Variants in PCDHGA12 observed in about 807,000 individuals in gnomAD.
PCDHGA12 encodes protocadherin gamma subfamily A, 12, also known as protocadherin gamma-A12.
Under a neutral mutation model 61.1 loss-of-function variants are expected in PCDHGA12, and 43 were observed. The ratio of observed to expected loss-of-function variants is 0.70; its 90% confidence interval spans 0.55 to 0.91. The LOEUF (loss-of-function observed/expected upper bound fraction) is 0.91, where lower values mean the gene tolerates loss of function less well. Among genes scored for constraint, PCDHGA12 ranks in the 40% least tolerant of loss-of-function variants. The pLI is 0.00. For synonymous variants in PCDHGA12, 520 were observed against 542.9 expected (o/e 0.96, Z 0.59); for missense variants, 1,236 against 1,227.7 (o/e 1.01, Z -0.10).
At chr5:141,483,291 A>T (rs767446911) in intron 1 of PCDHGA12, among the ~76,000 whole-genome samples, 4 of 152,126 alleles carry the variant, frequency 2.6e-5, no homozygotes, top group African/African-American at 4.8e-5. Flanking sequence ...TGTCAGTCAT[A>T]AGTGAAGGGA....
intron 1 of PCDHGA12, among the ~76,000 whole-genome samples, chr5:141,461,805 C>T (rs773854105): frequency 4.6e-5 from 7 of 151,854 alleles, no homozygotes; most frequent in Non-Finnish European, 8.8e-5. Flanking sequence ...AGGTGCCCAC[C>T]ACCACACCCA....
chr5:141,458,549 T>A (rs2098948402), intron 1 of PCDHGA12, among the ~76,000 whole-genome samples: 1 of 148,072 alleles, frequency 6.8e-6, no homozygotes, highest in African/African-American at 2.6e-5. Flanking sequence ...ATTTTGTTTG[T>A]TTGTTTTGGT....
At chr5:141,502,621 A>G (rs918589202) in intron 2 of PCDHGA12, among the ~76,000 whole-genome samples, 3 of 152,162 alleles carry the variant, frequency 2.0e-5, no homozygotes, top group African/African-American at 7.2e-5. Context: ...AAATATAAGT[A>G]ATCTGTGGAT....
intron 1 of PCDHGA12, among the ~76,000 whole-genome samples, chr5:141,459,386 T>C (rs1283863283): frequency 6.6e-6 from 1 of 152,260 alleles, no homozygotes; most frequent in African/African-American, 2.4e-5. Context: ...GTGTTCCATT[T>C]GATTGTTGAG....
At chr5:141,441,793 C>T (rs961624726) in intron 1 of PCDHGA12, 7 of 391,390 alleles carry the variant, frequency 1.8e-5, no homozygotes, top group Non-Finnish European at 3.6e-5. Flanking sequence ...AATGACAACG[C>T]ACCGCGGGTG....
chr5:141,469,753 T>C (rs564585597), intron 1 of PCDHGA12, among the ~76,000 whole-genome samples: 1 of 152,322 alleles, frequency 6.6e-6, no homozygotes, highest in East Asian at 1.9e-4. Flanking sequence ...ATTACAAAAA[T>C]ACATATATAC....
rs2099730037 is a variant in PCDHGA12 at position 141,491,783 on chromosome 5, A to G, written c.2425-3024A>G. The G allele has an allele frequency of 1.3e-6, 2 of 1,539,618 alleles. No homozygotes were observed. The highest frequency in any genetic ancestry group is 2.2e-5 in the Admixed American group (1 of 46,412). On this transcript the variant is annotated intron_variant, in intron 1 of 3. Transcript: ENST00000252085. The surrounding 1 kb of genome is among the most constrained non-coding windows in gnomAD (Gnocchi z 6.9). ...CGTCCTCATAAGGGATTGAACTTGC[A>G]TCCACTCCTCTCCGGCCGGCTTGGT...
chr5:141,487,380 G>A lies in PCDHGA12; in HGVS notation c.2425-7427G>A. On this transcript the variant is annotated intron_variant, in intron 1 of 3. Transcript: ENST00000252085. This position sits in a 1 kb window ranked among gnomAD's most constrained non-coding sequence, Gnocchi z 5.0. ...GCTGGCACCTGTGCCTGTCTCACCA[G>A]ATCTCGAAGGAGGGAGGGGCTTCCC... is the stretch of plus-strand genomic sequence containing the variant. The A allele has an allele frequency of 1.2e-6, 2 of 1,614,202 alleles. No individual in the cohort carries two copies. The highest frequency in any genetic ancestry group is 2.2e-5 in the South Asian group (2 of 91,078).
intron 1 of PCDHGA12, chr5:141,475,848 C>T (rs1562050268): frequency 4.4e-6 from 2 of 451,496 alleles, no homozygotes; most frequent in Non-Finnish European, 7.9e-6. Context: ...TCAGAGAGCC[C>T]GGCGCTAGCT....
intron 2 of PCDHGA12, among the ~76,000 whole-genome samples, chr5:141,499,301 TC>T (rs771049830): frequency 6.6e-6 from 1 of 152,166 alleles, no homozygotes; most frequent in Non-Finnish European, 1.5e-5. Context: ...CTACCATCCC[TC>T]CTCTGAGAGA....
At position 141,486,028 on chromosome 5, in the gene PCDHGA12, C is replaced by T; in HGVS notation, c.2425-8779C>T. On this transcript the variant is annotated intron_variant, in intron 1 of 3. Transcript: ENST00000252085. This position sits in a 1 kb window ranked among gnomAD's most constrained non-coding sequence, Gnocchi z 5.0. ...TCACCTTTTATTTCAGTGGTCATAC[C>T]CCTGATCGTGTAAGAAACCTCTTTA... The T allele has an allele frequency of 6.2e-7, 1 of 1,614,134 alleles. No individual in the cohort carries two copies. Among genetic ancestry groups the T allele is most frequent in the Non-Finnish European group, 8.5e-7 (1 of 1,180,020 alleles).
chr5:141,509,830 T>A (rs1328716142), intron 3 of PCDHGA12, among the ~76,000 whole-genome samples: 1 of 152,204 alleles, frequency 6.6e-6, no homozygotes, highest in African/African-American at 2.4e-5. Flanking sequence ...ATCTTCTCTC[T>A]ACCTCCCATT....
intron 3 of PCDHGA12, among the ~76,000 whole-genome samples, chr5:141,505,698 G>A (rs1041309644): frequency 2.0e-5 from 3 of 152,280 alleles, no homozygotes; most frequent in Admixed American, 6.5e-5. Context: ...GGAGGAGAGC[G>A]AACAAGGAAA....
intron 1 of PCDHGA12, among the ~76,000 whole-genome samples, chr5:141,438,593 T>C (rs982159150): frequency 4.1e-5 from 3 of 73,984 alleles, no homozygotes; most frequent in Non-Finnish European, 5.5e-5. Flanking sequence ...CATACATACA[T>C]ATATATATAT....
Position 141,477,020 on chromosome 5 carries a change from G to C in PCDHGA12, c.2425-17787G>C, listed in dbSNP as rs1383192345. The C allele has an allele frequency of 6.2e-7, 1 of 1,614,224 alleles. No homozygotes were observed. The highest frequency in any genetic ancestry group is 8.5e-7 in the Non-Finnish European group (1 of 1,180,048). On this transcript the variant is annotated intron_variant, in intron 1 of 3. Coordinates refer to ENST00000252085, the MANE Select transcript of PCDHGA12 (RefSeq NM_003735.3). The surrounding 1 kb of genome is among the most constrained non-coding windows in gnomAD (Gnocchi z 4.9). ...ACTATTCGCCTTAGACCTTGTAACC[G>C]GGATGCTGACAATCAAGGGTCGGCT...
chr5:141,470,870 G>GT (rs1230952624), intron 1 of PCDHGA12, among the ~76,000 whole-genome samples: 1 of 151,546 alleles, frequency 6.6e-6, no homozygotes, highest in Non-Finnish European at 1.5e-5. Context: ...TTGTTTGTTT[G>GT]TTTTTTTGTT....
chr5:141,442,534 GA>G (rs1156284172), intron 1 of PCDHGA12: 1 of 152,222 alleles, frequency 6.6e-6, no homozygotes, highest in Non-Finnish European at 1.5e-5. Context: ...TCTCCAAGGT[GA>G]AAAATTCTTG....
In PCDHGA12 at chr5:141,487,774, C is replaced by T. The variant is rs1272776899; in HGVS notation, c.2425-7033C>T. 2.0e-6 allele frequency: 3 copies of T among 1,534,064 alleles called. 1 individual carries two copies. The highest frequency in any genetic ancestry group is 2.6e-6 in the Non-Finnish European group (3 of 1,135,588). On this transcript the variant is annotated intron_variant, in intron 1 of 3. Transcript: ENST00000252085. The surrounding 1 kb of genome is among the most constrained non-coding windows in gnomAD (Gnocchi z 5.0). Reference sequence around the variant, plus strand: ...ATGTGGTAGACGCTGTGCTTTGTAACTGTTTCGTGAATTAACCAGAGTTGT... The same window carrying T: ...ATGTGGTAGACGCTGTGCTTTGTAATTGTTTCGTGAATTAACCAGAGTTGT...
At chr5:141,471,079 C>T (rs1169560328) in intron 1 of PCDHGA12, among the ~76,000 whole-genome samples, 1 of 145,256 alleles carries the variant, frequency 6.9e-6, no homozygotes, top group African/African-American at 2.5e-5. Context: ...GACAGGGTCT[C>T]CCTCTGTTGT....
Sources: allele counts gnomAD v4.1 joint callset (sites outside exome capture counted in the v4.1 genomes callset), GRCh38; gene constraint gnomAD v4.1.1; non-coding constraint Gnocchi (gnomAD v3.1); transcripts MANE v1.5; gene names NCBI Gene and HGNC (gene_info 2026-07-23, HGNC 2026-07-21).